The following RORA variants were observed in gnomAD, a reference collection of about 807,000 sequenced individuals.
RORA encodes the protein RAR related orphan receptor A.
A neutral mutation model predicts 69.5 loss-of-function variants in RORA; 7 were observed. The ratio of observed to expected loss-of-function variants is 0.10; its 90% CI spans 0.06 to 0.19. The LOEUF (loss-of-function observed/expected upper bound fraction) is 0.19. RORA is among the 10% of genes least tolerant of loss of function. The pLI, the probability that RORA is intolerant of heterozygous loss-of-function variation, is 1.00. For synonymous variants in RORA, 261 were observed against 240.8 expected (o/e 1.08, Z -0.78); for missense variants, 457 against 663.0 (o/e 0.69, Z 3.41).
At chr15:60,835,800 A>T (rs2073107530) in intron 1 of RORA, among the ~76,000 whole-genome samples, 1 of 152,238 alleles carries the variant, frequency 6.6e-6, no homozygotes, top group South Asian at 2.1e-4. Flanking sequence ...CATGCAACCA[A>T]GTAGATGACT....
chr15:60,566,986 A>T (rs1056731694), intron 2 of RORA, among the ~76,000 whole-genome samples: 2 of 152,150 alleles, frequency 1.3e-5, no homozygotes, highest in Admixed American at 6.5e-5. Context: ...AACAGAAAGG[A>T]GTCTGTTTAG....
At chr15:61,150,736 CAT>C (rs2140873484) in intron 1 of RORA, among the ~76,000 whole-genome samples, 1 of 152,188 alleles carries the variant, frequency 6.6e-6, no homozygotes, top group African/African-American at 2.4e-5. Flanking sequence ...CTCATCAAAA[CAT>C]ATGGAAAGCA....
intron 1 of RORA, among the ~76,000 whole-genome samples, chr15:61,218,958 C>A (rs1316092529): frequency 6.6e-6 from 1 of 152,176 alleles, no homozygotes; most frequent in Non-Finnish European, 1.5e-5. Flanking sequence ...TTGCTGTGGG[C>A]CTCCTGGCTG....
At chr15:60,696,022 C>A (rs879461714) in intron 1 of RORA, among the ~76,000 whole-genome samples, 6 of 152,026 alleles carry the variant, frequency 3.9e-5, no homozygotes, top group Admixed American at 2.6e-4. Flanking sequence ...TGACAGAAGT[C>A]TTATTATTAT....
At chr15:60,843,018 C>T (rs563955780) in intron 1 of RORA, among the ~76,000 whole-genome samples, 3 of 152,104 alleles carry the variant, frequency 2.0e-5, no homozygotes, top group Admixed American at 1.3e-4. Flanking sequence ...TCTCGTTCAC[C>T]CACCACACCC....
intron 2 of RORA, among the ~76,000 whole-genome samples, chr15:60,648,315 ATT>A (rs1433604090): frequency 6.6e-6 from 1 of 152,246 alleles, no homozygotes; most frequent in Non-Finnish European, 1.5e-5. Flanking sequence ...TATTGGATGC[ATT>A]GTTAGTACCA....
rs751081541 is a variant in RORA, at chr15:60,614,943, A to G, written c.196+63714T>C. On this transcript the variant is annotated intron_variant, in intron 2 of 10. Coordinates refer to ENST00000335670, the MANE Select transcript of RORA (RefSeq NM_134261.3). The stretch of plus-strand genomic sequence containing the variant: ...AAGAGAAGAACTCCCTTAAATTAAT[A>G]AAGTTCTTGGCTGTGGCTCCATCCC... The G allele has an allele frequency of 1.5e-5, 24 of 1,613,934 alleles. No individual in the cohort carries two copies. The Admixed American group carries it at 1.8e-4, about 12-fold the overall frequency.
At chr15:61,041,352 A>G (rs775959638) in intron 1 of RORA, among the ~76,000 whole-genome samples, 2 of 152,180 alleles carry the variant, frequency 1.3e-5, no homozygotes, top group African/African-American at 2.4e-5. Context: ...GATGAATTCA[A>G]TGAGCTATCA....
chr15:61,114,193 G>T (rs1397792634), intron 1 of RORA, among the ~76,000 whole-genome samples: 2 of 152,108 alleles, frequency 1.3e-5, no homozygotes, highest in African/African-American at 4.8e-5. Flanking sequence ...CCAGGAGACT[G>T]ATGTCACTGC....
intron 1 of RORA, among the ~76,000 whole-genome samples, chr15:60,950,752 A>G (rs1463972608): frequency 1.0e-5 from 1 of 99,858 alleles, no homozygotes; most frequent in Non-Finnish European, 2.0e-5. Flanking sequence ...TCCTAAATAT[A>G]TATGCACCCA....
At chr15:60,706,941 TAATA>T (rs1250416736) in intron 1 of RORA, among the ~76,000 whole-genome samples, 4 of 152,318 alleles carry the variant, frequency 2.6e-5, no homozygotes, top group South Asian at 4.1e-4. Context: ...CAGGTTGAGA[TAATA>T]AATAGTTTCT....
At chr15:61,029,392 T>C (rs1896019364) in intron 1 of RORA, among the ~76,000 whole-genome samples, 1 of 152,080 alleles carries the variant, frequency 6.6e-6, no homozygotes, top group African/African-American at 2.4e-5. Context: ...CTGCCAGCCA[T>C]GTTGATGTTC....
chr15:61,076,775 G>A (rs767849066), intron 1 of RORA, among the ~76,000 whole-genome samples: 3 of 152,122 alleles, frequency 2.0e-5, no homozygotes, highest in African/African-American at 4.8e-5. Context: ...GCCATCAACC[G>A]GATCTGACAG....
intron 1 of RORA, among the ~76,000 whole-genome samples, chr15:61,225,596 T>C (rs2080138606): frequency 6.6e-6 from 1 of 152,166 alleles, no homozygotes; most frequent in African/African-American, 2.4e-5. Flanking sequence ...TGGTTTCGAT[T>C]TTTCCCTTAG....
At chr15:61,117,526 C>A (rs974206883) in intron 1 of RORA, among the ~76,000 whole-genome samples, 1 of 152,158 alleles carries the variant, frequency 6.6e-6, no homozygotes, top group African/African-American at 2.4e-5. Context: ...AGCAAATATT[C>A]GGCCTTTTCT....
chr15:60,576,818 G>T (rs766606983), intron 2 of RORA, among the ~76,000 whole-genome samples: 1 of 152,200 alleles, frequency 6.6e-6, no homozygotes, highest in Non-Finnish European at 1.5e-5. Context: ...ATTCTCCAAG[G>T]TGCCTACATT....
chr15:60,955,462 C>G (rs903526394), intron 1 of RORA, among the ~76,000 whole-genome samples: 1 of 152,144 alleles, frequency 6.6e-6, no homozygotes, highest in African/African-American at 2.4e-5. Context: ...AAATATCAGG[C>G]AGACCTCCAT....
chr15:61,192,429 C>T (rs1441781475), intron 1 of RORA, among the ~76,000 whole-genome samples: 1 of 152,186 alleles, frequency 6.6e-6, no homozygotes, highest in Non-Finnish European at 1.5e-5. Flanking sequence ...CTACCATCCG[C>T]ACCCAAGACC....
intron 1 of RORA, among the ~76,000 whole-genome samples, chr15:60,919,032 T>C (rs768145765): frequency 6.6e-6 from 1 of 152,198 alleles, no homozygotes; most frequent in African/African-American, 2.4e-5. Context: ...CATCTACTTA[T>C]GATGCTACGA....
Sources: gnomAD v4.1 joint callset for allele counts (sites outside exome capture counted in the v4.1 genomes callset) on GRCh38, gnomAD v4.1.1 for gene constraint, MANE v1.5 for transcripts, NCBI Gene and HGNC (gene_info 2026-07-23, HGNC 2026-07-21) for gene names.